The following MCFD2 variants were observed in gnomAD, a reference collection of about 807,000 sequenced individuals.
MCFD2 encodes multiple coagulation factor deficiency 2, ER cargo receptor complex subunit, also known as multiple coagulation factor deficiency protein 2.
MCFD2 carries 11 observed loss-of-function variants against 12.8 expected under a neutral mutation model. The ratio of observed to expected loss-of-function variants is 0.86; its 90% CI spans 0.54 to 1.42. MCFD2 has a LOEUF of 1.42. Among genes scored for constraint, MCFD2 ranks in the 40% most tolerant of loss-of-function variants. The probability of loss-of-function intolerance (pLI) is 0.00; values close to 1 mark genes in which losing one functional copy is unlikely to be tolerated. For missense variants in MCFD2, 191 were observed against 178.6 expected, an observed-to-expected ratio of 1.07 and a Z score of -0.40; for synonymous variants, 70 against 68.1, an observed-to-expected ratio of 1.03 and a Z score of -0.14.
At chr2:46,916,156 C>G (rs1380945055), upstream of MCFD2, 19 of 985,512 alleles carry the variant, frequency 1.9e-5, no homozygotes, top group African/African-American at 1.6e-4. Context: ...CCGCTCACCC[C>G]CTCCTATACA....
chr2:46,927,861 A>T (rs970641697), intron 1 of MCFD2, among the ~76,000 whole-genome samples: 1 of 142,762 alleles, frequency 7.0e-6, no homozygotes, highest in African/African-American at 2.6e-5. Flanking sequence ...CAGCAGAAAC[A>T]CTAATATTGG....
rs1006488809 is a variant in MCFD2, at chr2:46,904,732, G to C, written c.*731C>G. The C allele has an allele frequency of 6.5e-6, 1 of 152,940 alleles. No individual in the cohort carries two copies. Among genetic ancestry groups the C allele is most frequent in the African/African-American group, 2.4e-5 (1 of 41,430 alleles). The allele number at this position is 152,940 out of a possible 1,614,324, so 9.5% of individuals were successfully genotyped here. On this transcript the variant is annotated 3_prime_UTR_variant, in exon 4 of 4. Coordinates refer to ENST00000319466, the MANE Select transcript of MCFD2 (RefSeq NM_139279.6). ...ACAGGCTCATAGGTGGAAGGGACTTGCCTTGTCTCAGATGAGACTTTGGAC... is the reference window on the plus strand; with the variant it reads ...ACAGGCTCATAGGTGGAAGGGACTTCCCTTGTCTCAGATGAGACTTTGGAC...
chr2:46,938,326 C>G (rs1670081189), intron 1 of MCFD2, among the ~76,000 whole-genome samples: 1 of 152,118 alleles, frequency 6.6e-6, no homozygotes, highest in Non-Finnish European at 1.5e-5. Flanking sequence ...TAAACTTGAT[C>G]ACTATTATAC....
chr2:46,908,121 G>T lies in MCFD2; in HGVS notation c.150-152C>A. ...AGACCACACTCAAGGATTACACAGA[G>T]ATAGACAAGGCCTTGAGAGGAGCAG... On this transcript the variant is annotated intron_variant, in intron 2 of 3. Coordinates refer to ENST00000319466, the MANE Select transcript of MCFD2 (RefSeq NM_139279.6). This position sits in a 1 kb window ranked among gnomAD's most constrained non-coding sequence, Gnocchi z 4.5. 1.3e-6 allele frequency: 1 copy of T among 794,990 alleles called. No homozygotes were observed. The highest frequency in any genetic ancestry group is 2.1e-6 in the Non-Finnish European group (1 of 473,186). 49.2% of individuals were successfully genotyped at this position (794,990 alleles called of 1,614,324 possible).
chr2:46,927,345 A>AG (rs1669440191), intron 1 of MCFD2, among the ~76,000 whole-genome samples: 1 of 150,022 alleles, frequency 6.7e-6, no homozygotes, highest in Non-Finnish European at 1.5e-5. Flanking sequence ...AAGATAGAGG[A>AG]GAAAAAAAGA....
chr2:46,916,101 G>T, upstream of MCFD2: 2 of 985,584 alleles, frequency 2.0e-6, no homozygotes, highest in Non-Finnish European at 2.4e-6. Context: ...GGCGACGTAG[G>T]ATGGCGGATC....
Position 46,905,097 on chromosome 2 carries a change from CT to C in MCFD2, c.*365del. The C allele has an allele frequency of 3.0e-6, 1 of 333,154 alleles. No homozygotes were observed. Among genetic ancestry groups the C allele is most frequent in the Non-Finnish European group, 5.7e-6 (1 of 175,600 alleles). 20.6% of individuals were successfully genotyped at this position (333,154 alleles called of 1,614,324 possible). A position where few individuals can be genotyped will look rare whatever the true frequency, so the allele number is the denominator to read the frequency against. On this transcript the variant is annotated 3_prime_UTR_variant, in exon 4 of 4. Coordinates refer to ENST00000319466, the MANE Select transcript of MCFD2 (RefSeq NM_139279.6). ...TCTCTTGCTGCCATGTAAGAAGTGC[CT>C]TTCACCTCCCGCCATGATTCTGAGG...
intron 1 of MCFD2, among the ~76,000 whole-genome samples, chr2:46,926,494 A>G (rs750973459): frequency 2.6e-5 from 4 of 152,206 alleles, no homozygotes; most frequent in East Asian, 1.9e-4. Context: ...ACTTCCCTCT[A>G]TGATAAAATA....
In MCFD2 at chr2:46,908,010, T is replaced by G. The variant is rs1400960843; in HGVS notation, c.150-41A>C. 3 of 1,610,554 alleles carry G rather than the reference T, an allele frequency of 1.9e-6. No homozygotes were observed. The South Asian group carries it at 3.3e-5, about 18-fold the overall frequency. On this transcript the variant is annotated intron_variant, in intron 2 of 3. Coordinates refer to ENST00000319466, the MANE Select transcript of MCFD2 (RefSeq NM_139279.6). This position sits in a 1 kb window ranked among gnomAD's most constrained non-coding sequence, Gnocchi z 4.5. ...CAGGTTCAGGCCAATTGACAGATAC[T>G]GGGATCATGCTGAAATCTTAAGGAC...
chr2:46,931,186 G>A (rs1669681315), intron 1 of MCFD2, among the ~76,000 whole-genome samples: 1 of 152,222 alleles, frequency 6.6e-6, no homozygotes. Context: ...TGCAATCATG[G>A]CTCACTGCAG....
intron 1 of MCFD2, among the ~76,000 whole-genome samples, chr2:46,935,627 T>C (rs997963710): frequency 6.6e-6 from 1 of 152,174 alleles, no homozygotes; most frequent in Non-Finnish European, 1.5e-5. Flanking sequence ...CATTCAATTA[T>C]TGAGGCCCGC....
chr2:46,915,806 G>GGGGGGGGGGGGGCGCCCCC, upstream of MCFD2: 1 of 512,582 alleles, frequency 2.0e-6, no homozygotes, highest in Non-Finnish European at 2.1e-6. Flanking sequence ...CCTCGGCTTC[G>GGGGGGGGGGGGGCGCCCCC]CCCCGCCCCC....
chr2:46,929,011 A>C (rs1458396711), intron 1 of MCFD2, among the ~76,000 whole-genome samples: 1 of 152,076 alleles, frequency 6.6e-6, no homozygotes, highest in African/African-American at 2.4e-5. Context: ...AAAAATACAA[A>C]AATTAGCTGG....
In MCFD2 at chr2:46,941,813, C is replaced by T; in HGVS notation, c.-249G>A. On this transcript the variant is annotated 5_prime_UTR_variant, in exon 1 of 3. Coordinates refer to the MCFD2 transcript ENST00000409147. The surrounding 1 kb of genome is among the most constrained non-coding windows in gnomAD (Gnocchi z 4.2). Reference sequence around the variant, plus strand: ...GAAGCGCGCCCAGACAGTCCTCGGCCGACAGCGGGCGCCTGCCAGCCCACC... The same window carrying T: ...GAAGCGCGCCCAGACAGTCCTCGGCTGACAGCGGGCGCCTGCCAGCCCACC... The T allele has an allele frequency of 1.3e-6, 2 of 1,495,620 alleles. No homozygotes were observed. Among genetic ancestry groups the T allele is most frequent in the Admixed American group, 2.1e-5 (1 of 48,406 alleles). The allele number at this position is 1,495,620 out of a possible 1,614,324, so 92.6% of individuals were successfully genotyped here. A position where few individuals can be genotyped will look rare whatever the true frequency, so the allele number is the denominator to read the frequency against.
chr2:46,929,601 G>C (rs867126432), intron 1 of MCFD2, among the ~76,000 whole-genome samples: 16 of 152,190 alleles, frequency 1.1e-4, no homozygotes, highest in African/African-American at 3.9e-4. Context: ...AAATTTCTGT[G>C]TATCAGTGCT....
chr2:46,907,645 C>A lies in MCFD2; in HGVS notation c.309+165G>T. On this transcript the variant is annotated intron_variant, in intron 3 of 3. Transcript: ENST00000319466. The surrounding 1 kb of genome is among the most constrained non-coding windows in gnomAD (Gnocchi z 4.1). The stretch of plus-strand genomic sequence containing the variant: ...ACTCCTGGCTCAAGTGATCCTTCCA[C>A]TTTGGCCTCCCAAAGTGCTGGGATT... 1.4e-6 allele frequency: 1 copy of A among 731,586 alleles called. No homozygotes were observed. The highest frequency in any genetic ancestry group is 1.6e-5 in the South Asian group (1 of 63,676). The allele number at this position is 731,586 out of a possible 1,614,324, so 45.3% of individuals were successfully genotyped here.
chr2:46,916,181 G>A, upstream of MCFD2: 2 of 984,372 alleles, frequency 2.0e-6, no homozygotes, highest in Non-Finnish European at 2.4e-6. Flanking sequence ...TCTTGGTTCA[G>A]GTCTCTTGGT....
intron 1 of MCFD2, among the ~76,000 whole-genome samples, chr2:46,921,388 A>G (rs1669094605): frequency 6.6e-6 from 1 of 152,210 alleles, no homozygotes; most frequent in East Asian, 1.9e-4. Context: ...GAAATGCTTA[A>G]AATACCATTA....
rs921828078 is a variant in MCFD2 at position 46,911,285 on chromosome 2, G to C, written c.-6-2108C>G. On this transcript the variant is annotated intron_variant, in intron 1 of 3. Coordinates refer to ENST00000319466, the MANE Select transcript of MCFD2 (RefSeq NM_139279.6). The stretch of plus-strand genomic sequence containing the variant: ...TGGGATTACAGGTGCATGTCACCAC[G>C]TCCAGCTAATTTTTGTGTTTTTAGT... Among the ~76,000 whole-genome samples the C allele has an allele frequency of 3.3e-5, 5 of 151,662 alleles. No individual in the cohort carries two copies. The East Asian group carries it at 9.8e-4, about 30-fold the overall frequency.
Sources: allele counts gnomAD v4.1 joint callset (sites outside exome capture counted in the v4.1 genomes callset), GRCh38; gene constraint gnomAD v4.1.1; non-coding constraint Gnocchi (gnomAD v3.1); transcripts MANE v1.5; gene names NCBI Gene and HGNC (gene_info 2026-07-23, HGNC 2026-07-21).